Variants in LAMB4 observed in about 807,000 individuals in gnomAD.
The protein encoded by LAMB4 is laminin subunit beta-4.
In LAMB4, 196 loss-of-function variants were observed where a neutral mutation model predicts 199.2. The observed-to-expected ratio is 0.98, with a 90% confidence interval of 0.88 to 1.11. The LOEUF (loss-of-function observed/expected upper bound fraction) is 1.11. LAMB4 is among the 50% of genes least tolerant of loss of function. The probability of loss-of-function intolerance (pLI) is 0.00; values close to 1 mark genes in which losing one functional copy is unlikely to be tolerated. For missense variants in LAMB4, 2,080 were observed against 2,171.2 expected (o/e 0.96, Z 0.83); for synonymous variants, 744 against 770.6 (o/e 0.97, Z 0.57).
downstream of LAMB4, among the ~76,000 whole-genome samples, chr7:108,022,691 T>C (rs1408859517): frequency 6.6e-6 from 1 of 152,214 alleles, no homozygotes. Flanking sequence ...AGTTTCTTTC[T>C]ATTCTTCAGG....
chr7:108,043,982 C>A (rs1257231340), intron 28 of LAMB4, 86 bp from the exon 29 acceptor site: 1 of 1,157,604 alleles, frequency 8.6e-7, no homozygotes, highest in African/African-American at 1.6e-5. Flanking sequence ...TTAGCTGGAC[C>A]AAATAAAACT....
intron 5 of LAMB4, 58 bp downstream of exon 5, chr7:108,109,113 A>T (rs970658783): frequency 2.4e-6 from 3 of 1,276,516 alleles, no homozygotes; most frequent in Non-Finnish European, 1.1e-6. Context: ...AATTCCAGAT[A>T]AACACTGAGC....
chr7:108,107,846 C>G, intron 5 of LAMB4, 27 bp from the exon 6 acceptor site: 3 of 1,518,174 alleles, frequency 2.0e-6, no homozygotes, highest in Non-Finnish European at 2.7e-6. Flanking sequence ...AAAGTTGGCA[C>G]ATTTCACAAA....
intron 24 of LAMB4, 62 bp downstream of exon 24, chr7:108,057,756 TCAGTTGGTTCATAG>T (rs755544384): frequency 9.2e-6 from 8 of 868,922 alleles, no homozygotes; most frequent in Non-Finnish European, 1.5e-5. Flanking sequence ...AATTTAAAAT[TCAGTTGGTTCATAG>T]CATGTCCATG....
At chr7:108,062,718 C>T (rs976445531) in intron 23 of LAMB4, 56 bp downstream of exon 23, 11 of 1,017,048 alleles carry the variant, frequency 1.1e-5, no homozygotes, top group Non-Finnish European at 5.3e-6. Context: ...ATTTAGAAAC[C>T]ATGTCTCACT....
chr7:108,078,208 C>T lies in LAMB4; in HGVS notation c.1996G>A (p.Ala666Thr), dbSNP rs774051391. 17 of 1,601,070 alleles carry T rather than the reference C, an allele frequency of 1.1e-5. No individual in the cohort carries two copies. The highest frequency in any genetic ancestry group is 1.4e-5 in the Non-Finnish European group (16 of 1,171,364). The change falls in exon 16 of 34, where the codon GCT becomes ACT. Residue 666 changes from alanine to threonine, a missense_variant. By Grantham distance (58) the Ala-to-Thr change is moderately conservative. Coordinates refer to ENST00000388781, the MANE Select transcript of LAMB4 (RefSeq NM_007356.3). ...GACCGGTCTGAAACATACCTCGTAG[C>T]CGCTGGTAAGGCAAAAGACTGAGGC... ...SKPQSFALPA[A>T]TRIMLLPTPI...
chr7:108,037,304 T>C (rs1398624950), intron 30 of LAMB4, 84 bp downstream of exon 30: 1 of 1,062,380 alleles, frequency 9.4e-7, no homozygotes, highest in African/African-American at 1.6e-5. Context: ...TTGAATGCTA[T>C]AGATCCCTAG....
intron 28 of LAMB4, 26 bp downstream of exon 28, chr7:108,047,882 C>T (rs774890100): frequency 1.3e-6 from 2 of 1,581,360 alleles, no homozygotes; most frequent in East Asian, 2.2e-5. Context: ...TATAACTTTA[C>T]AAATAAAGCA....
intron 12 of LAMB4, 150 bp from the exon 13 acceptor site, chr7:108,092,566 G>T: frequency 1.5e-6 from 1 of 661,026 alleles, no homozygotes; most frequent in Non-Finnish European, 2.7e-6. Flanking sequence ...CTATGCGCTT[G>T]GCTAATGATC....
intron 1 of LAMB4, among the ~76,000 whole-genome samples, chr7:108,125,850 A>G (rs1017334217): frequency 3.9e-5 from 6 of 152,350 alleles, no homozygotes; most frequent in African/African-American, 1.4e-4. Flanking sequence ...CCACATTTCT[A>G]TGATAAAAAT....
Position 108,079,868 on chromosome 7 carries a change from C to T in LAMB4, c.1702-82G>A. On this transcript the variant is annotated intron_variant, in intron 14 of 33. Coordinates refer to ENST00000388781, the MANE Select transcript of LAMB4 (RefSeq NM_007356.3). ...CAAGAAAACCAGTCCCCCACTGCACCACCCCCTGTATTTCCTGGTGTGTAT... is the reference window on the plus strand; with the variant it reads ...CAAGAAAACCAGTCCCCCACTGCACTACCCCCTGTATTTCCTGGTGTGTAT... The T allele has an allele frequency of 4.1e-6, 4 of 976,132 alleles. No individual in the cohort carries two copies. In the South Asian group the frequency reaches 5.5e-5, roughly 13 times the overall value. The allele number at this position is 976,132 out of a possible 1,614,324, so 60.5% of individuals were successfully genotyped here.
intron 17 of LAMB4, among the ~76,000 whole-genome samples, chr7:108,070,989 T>C (rs896917129): frequency 6.6e-6 from 1 of 152,166 alleles, no homozygotes; most frequent in Non-Finnish European, 1.5e-5. Flanking sequence ...ATCCGGAACA[T>C]TTAGTGCTCA....
At chr7:108,062,724 T>C (rs1030232069) in intron 23 of LAMB4, 50 bp downstream of exon 23, 2 of 1,061,918 alleles carry the variant, frequency 1.9e-6, no homozygotes, top group Non-Finnish European at 2.5e-6. Flanking sequence ...AAACCATGTC[T>C]CACTATCATG....
At chr7:108,043,701 T>C (rs750731418) in intron 29 of LAMB4, 51 bp downstream of exon 29, 1 of 1,254,842 alleles carries the variant, frequency 8.0e-7, no homozygotes. Context: ...TGACTATACA[T>C]TAAAAAGGGA....
intron 26 of LAMB4, 80 bp downstream of exon 26, chr7:108,052,017 G>C: frequency 1.7e-6 from 2 of 1,156,936 alleles, no homozygotes; most frequent in Non-Finnish European, 2.4e-6. Flanking sequence ...TGGTAAGCAG[G>C]GGACGACTCA....
At chr7:108,073,747 G>A (rs1036723247) in intron 17 of LAMB4, among the ~76,000 whole-genome samples, 1 of 152,224 alleles carries the variant, frequency 6.6e-6, no homozygotes, top group African/African-American at 2.4e-5. Flanking sequence ...ACAATGAAAT[G>A]TGCAAGGACT....
In LAMB4 at chr7:108,104,938, G is replaced by A. The variant is rs560971028; in HGVS notation, c.871-319C>T. ...TGGCTAAGGGGTTTGTGGGGAGTTGGGGGGGAGTAGTATATAGGATTTTTT... is the reference window on the plus strand; with the variant it reads ...TGGCTAAGGGGTTTGTGGGGAGTTGAGGGGGAGTAGTATATAGGATTTTTT... On this transcript the variant is annotated intron_variant, in intron 8 of 33. Transcript: ENST00000388781. Among the ~76,000 whole-genome samples, 7 of 152,096 alleles carry A rather than the reference G, an allele frequency of 4.6e-5. No homozygotes were observed. The East Asian group carries it at 1.2e-3, about 25-fold the overall frequency.
intron 14 of LAMB4, among the ~76,000 whole-genome samples, chr7:108,090,285 T>A (rs535953544): frequency 6.6e-6 from 1 of 152,340 alleles, no homozygotes; most frequent in East Asian, 1.9e-4. Context: ...CAATTAAAGA[T>A]CATACCCTCA....
chr7:108,082,920 C>T (rs866265510), intron 14 of LAMB4, among the ~76,000 whole-genome samples: 4 of 152,154 alleles, frequency 2.6e-5, no homozygotes, highest in African/African-American at 9.7e-5. Flanking sequence ...CACTGGCAGA[C>T]GGAAGTCAAT....
Sources: gnomAD v4.1 joint callset for allele counts (sites outside exome capture counted in the v4.1 genomes callset) on GRCh38, gnomAD v4.1.1 for gene constraint, MANE v1.5 for transcripts, NCBI Gene and HGNC (gene_info 2026-07-23, HGNC 2026-07-21) for gene names.